NOL8: variants seen among roughly 807,000 people sequenced by gnomAD.
NOL8 encodes the protein nucleolar protein 8.
Under a neutral mutation model 116.1 loss-of-function variants are expected in NOL8, and 93 were observed. The observed-to-expected ratio is 0.80, with a 90% CI of 0.68 to 0.95. NOL8 has a LOEUF of 0.95. Ranked by LOEUF, NOL8 falls within the 40% of genes least tolerant of loss-of-function variation. The pLI is 0.00. For missense variants in NOL8, 1,291 were observed against 1,382.8 expected, an observed-to-expected ratio of 0.93 and a Z score of 1.05; for synonymous variants, 419 against 469.0, an observed-to-expected ratio of 0.89 and a Z score of 1.38.
At position 92,301,664 on chromosome 9, in the gene NOL8, C is replaced by T; in HGVS notation, c.3062G>A (p.Gly1021Asp). The T allele has an allele frequency of 1.9e-6, 3 of 1,604,404 alleles. No individual in the cohort carries two copies. The highest frequency in any genetic ancestry group is 1.7e-6 in the Non-Finnish European group (2 of 1,177,430). The change falls in exon 13 of 17, where the codon GGT becomes GAT. Residue 1021 changes from glycine (G) to aspartate (D), a missense_variant. By Grantham distance (94) the Gly-to-Asp change is moderately conservative. Coordinates refer to ENST00000442668, the MANE Select transcript of NOL8 (RefSeq NM_017948.6). ...EEGTPWNEDC[G>D]KEKPEEIQDP... ...CTGGATTTCCTCAGGTTTCTCTTTA[C>T]CACAGTCCTCATTCCAGGGTGTGCC... is the stretch of plus-strand genomic sequence containing the variant.
chr9:92,303,367 T>C lies in NOL8; in HGVS notation c.2904-1545A>G, dbSNP rs576273328. Reference sequence around the variant, plus strand: ...GAATTTTTTTTATCATTTGAAATGATAGGGGGAAAAACAAACATCATTTCA... The same window carrying C: ...GAATTTTTTTTATCATTTGAAATGACAGGGGGAAAAACAAACATCATTTCA... On this transcript the variant is annotated intron_variant, in intron 12 of 16. Coordinates refer to ENST00000442668, the MANE Select transcript of NOL8 (RefSeq NM_017948.6). Among the ~76,000 whole-genome samples, 7 of 152,260 alleles carry C rather than the reference T, an allele frequency of 4.6e-5. No individual in the cohort carries two copies. The East Asian group carries it at 9.6e-4, about 21-fold the overall frequency.
intron 14 of NOL8, 78 bp downstream of exon 14, chr9:92,299,812 G>A (rs1837574316): frequency 6.2e-6 from 9 of 1,451,014 alleles, no homozygotes; most frequent in African/African-American, 1.4e-5. Context: ...GTGAAGAGAA[G>A]CTAAAATATT....
At chr9:92,323,232 C>A in intron 3 of NOL8, 1 of 1,385,366 alleles carries the variant, frequency 7.2e-7, no homozygotes, top group Non-Finnish European at 9.5e-7. Flanking sequence ...TTAAGTAAAC[C>A]CACCAGTAAA....
chr9:92,311,649 G>A (rs1264964995), intron 7 of NOL8, among the ~76,000 whole-genome samples: 1 of 152,130 alleles, frequency 6.6e-6, no homozygotes, highest in African/African-American at 2.4e-5. Flanking sequence ...ACCACAATGA[G>A]ATACCATCTC....
At position 92,319,267 on chromosome 9, in the gene NOL8, T is replaced by C. The variant is rs764320661; in HGVS notation, c.371A>G (p.Asp124Gly). The stretch of plus-strand genomic sequence containing the variant: ...CCCTGGCACAGCTTTCATATGGAAA[T>C]CCACTCCTCCTGTCTTTTCTAACAA... ...ANLLEKTGGV[D>G]FHMKAVPGTE... is the part of the protein sequence containing the mutation. Residue 124 changes from aspartate to glycine, a missense_variant, in exon 5 of 17, where the codon GAT becomes GGT. Transcript: ENST00000442668. The C allele has an allele frequency of 1.9e-6, 3 of 1,591,554 alleles. No individual in the cohort carries two copies. The highest frequency in any genetic ancestry group is 2.2e-5 in the South Asian group (2 of 88,956).
chr9:92,301,111 CTG>C (rs1395493552), intron 13 of NOL8, among the ~76,000 whole-genome samples: 22 of 152,326 alleles, frequency 1.4e-4, no homozygotes, highest in Admixed American at 1.2e-3. Flanking sequence ...CAAGGATAAA[CTG>C]TGCAATAACT....
Position 92,301,957 on chromosome 9 carries a change from A to G in NOL8, c.2904-135T>C, listed in dbSNP as rs1428612587. 3.1e-5 allele frequency: 21 copies of G among 670,816 alleles called. No individual in the cohort carries two copies. In the East Asian group the frequency reaches 5.8e-4, roughly 19 times the overall value. The allele number at this position is 670,816 out of a possible 1,614,324, so 41.6% of individuals were successfully genotyped here. On this transcript the variant is annotated intron_variant, in intron 12 of 16. Coordinates refer to ENST00000442668, the MANE Select transcript of NOL8 (RefSeq NM_017948.6). ...AACCAGAATATAAAACTCTACTTATAAATAGAGAAATAAAATAAGTAAAAC... is the reference window on the plus strand; with the variant it reads ...AACCAGAATATAAAACTCTACTTATGAATAGAGAAATAAAATAAGTAAAAC...
intron 5 of NOL8, 85 bp downstream of exon 5, chr9:92,319,136 T>G: frequency 7.1e-7 from 1 of 1,408,108 alleles, no homozygotes; most frequent in Non-Finnish European, 9.4e-7. Flanking sequence ...AGTAACTGGT[T>G]TTAGACATGA....
Position 92,314,256 on chromosome 9 carries a change from AAT to A in NOL8, c.2358+9_2358+10del. On this transcript the variant is annotated intron_variant, in intron 7 of 16. Coordinates refer to ENST00000442668, the MANE Select transcript of NOL8 (RefSeq NM_017948.6). ...GTTCTTGTTAAATCCATACATTGAA[AAT>A]ATACTCACCAAATTTGCCAGAGCAT... 1 of 1,547,578 alleles carries A rather than the reference AAT, an allele frequency of 6.5e-7. No homozygotes were observed. The highest frequency in any genetic ancestry group is 2.3e-5 in the East Asian group (1 of 44,212).
chr9:92,302,549 A>G (rs1837844886), intron 12 of NOL8, among the ~76,000 whole-genome samples: 1 of 152,230 alleles, frequency 6.6e-6, no homozygotes, highest in Non-Finnish European at 1.5e-5. Context: ...ATTTCGGTAA[A>G]TAAACCAACC....
At chr9:92,313,739 A>C (rs1294638961) in intron 7 of NOL8, among the ~76,000 whole-genome samples, 1 of 151,822 alleles carries the variant, frequency 6.6e-6, no homozygotes, top group Non-Finnish European at 1.5e-5. Context: ...TTTTCCTACC[A>C]CTCAGCTCAG....
intron 7 of NOL8, among the ~76,000 whole-genome samples, chr9:92,313,877 G>C (rs2134127376): frequency 6.6e-6 from 1 of 152,254 alleles, no homozygotes; most frequent in African/African-American, 2.4e-5. Context: ...GCCAAAAACT[G>C]TATGAAAGGC....
At position 92,315,635 on chromosome 9, in the gene NOL8, T is replaced by G; in HGVS notation, c.990A>C (p.Glu330Asp). ...RTTQPSINES[E>D]SDPFEVVRDD... ...CCCTTACAACTTCAAAAGGATCACT[T>G]TCAGATTCATTTATTGAGGGTTGTG... The change falls in exon 7 of 17, where the codon GAA becomes GAC. Residue 330 changes from glutamate (E) to aspartate (D), a missense_variant. Glu to Asp is a conservative substitution (Grantham distance 45). Coordinates refer to ENST00000442668, the MANE Select transcript of NOL8 (RefSeq NM_017948.6). 1 of 1,613,378 alleles carries G rather than the reference T, an allele frequency of 6.2e-7. No homozygotes were observed. Among genetic ancestry groups the G allele is most frequent in the Non-Finnish European group, 8.5e-7 (1 of 1,179,646 alleles).
At chr9:92,304,630 G>A (rs1838067404) in intron 12 of NOL8, among the ~76,000 whole-genome samples, 1 of 152,138 alleles carries the variant, frequency 6.6e-6, no homozygotes, top group South Asian at 2.1e-4. Flanking sequence ...TTCTACTTTA[G>A]TCTAAAATGT....
chr9:92,306,305 T>G (rs1006083480), intron 11 of NOL8, among the ~76,000 whole-genome samples: 2 of 152,242 alleles, frequency 1.3e-5, no homozygotes, highest in Non-Finnish European at 2.9e-5. Flanking sequence ...AAAAAATATT[T>G]TAAACTACCT....
At chr9:92,323,215 A>C in intron 3 of NOL8, 1 of 1,221,948 alleles carries the variant, frequency 8.2e-7, no homozygotes, top group Non-Finnish European at 1.1e-6. Flanking sequence ...ATTTGAGAAT[A>C]GCAGTTTTAA....
rs1429344148 is a variant in NOL8 at position 92,314,555 on chromosome 9, G to A, written c.2070C>T (p.Asn690=). ...KSLSLSAKTH[N]IGFDKDSCHS... ...GGCAGCTGTCTTTGTCAAAGCCTATGTTGTGAGTCTTTGCACTAAGACTTA... is the reference window on the plus strand; with the variant it reads ...GGCAGCTGTCTTTGTCAAAGCCTATATTGTGAGTCTTTGCACTAAGACTTA... Residue 690 remains asparagine (N), a synonymous_variant, in exon 7 of 17, where the codon AAC becomes AAT. Transcript: ENST00000442668. The A allele has an allele frequency of 2.5e-6, 4 of 1,613,412 alleles. No individual in the cohort carries two copies. The highest frequency in any genetic ancestry group is 3.4e-6 in the Non-Finnish European group (4 of 1,179,652).
At chr9:92,322,659 T>G (rs1840018991) in intron 3 of NOL8, among the ~76,000 whole-genome samples, 1 of 152,178 alleles carries the variant, frequency 6.6e-6, no homozygotes, top group Non-Finnish European at 1.5e-5. Flanking sequence ...CTCACAGAAA[T>G]ATTATGAGGC....
chr9:92,308,517 A>G (rs868583718), intron 10 of NOL8, among the ~76,000 whole-genome samples: 1 of 152,236 alleles, frequency 6.6e-6, no homozygotes, highest in African/African-American at 2.4e-5. Flanking sequence ...AAAATATCCA[A>G]CAGGCGTTTA....
Sources: gnomAD v4.1 joint callset for allele counts (sites outside exome capture counted in the v4.1 genomes callset) on GRCh38, gnomAD v4.1.1 for gene constraint, MANE v1.5 for transcripts, NCBI Gene and HGNC (gene_info 2026-07-23, HGNC 2026-07-21) for gene names.